Variants in RARA observed in about 807,000 individuals in gnomAD.
RARA encodes the protein PML-DDX5-RARA fusion.
A neutral mutation model predicts 42.8 loss-of-function variants in RARA; 5 were observed. The ratio of observed to expected loss-of-function variants is 0.12; its 90% confidence interval spans 0.06 to 0.25. The LOEUF is 0.25. Among genes scored for constraint, RARA ranks in the 10% least tolerant of loss-of-function variants. The pLI is 1.00. For synonymous variants in RARA, 256 were observed against 259.5 expected (o/e 0.99, Z 0.13); for missense variants, 402 against 628.7 (o/e 0.64, Z 3.86).
intron 4 of RARA, 148 bp downstream of exon 4, chr17:40,350,073 GTGTGT>G: frequency 1.3e-5 from 17 of 1,266,632 alleles, no homozygotes; most frequent in Non-Finnish European, 1.8e-5. Flanking sequence ...AGGATGGTTT[GTGTGT>G]AGCTGCAAGG....
chr17:40,319,225 C>T (rs2033299042), intron 1 of RARA, among the ~76,000 whole-genome samples: 2 of 152,130 alleles, frequency 1.3e-5, no homozygotes, highest in African/African-American at 4.8e-5. Context: ...CATCTCCTCT[C>T]TGGGCACTGG....
At chr17:40,324,024 GTA>G (rs1046907800) in intron 1 of RARA, among the ~76,000 whole-genome samples, 1 of 152,064 alleles carries the variant, frequency 6.6e-6, no homozygotes, top group Non-Finnish European at 1.5e-5. Context: ...GGCCCTGCCT[GTA>G]TCTCTGTAAG....
At position 40,331,306 on chromosome 17, in the gene RARA, C is replaced by A. The variant is rs1371891710; in HGVS notation, c.88C>A (p.Pro30Thr). ...GCCTCCCTACGCCTTCTTCTTCCCCCCTATGCTGGGTGGACTCTCCCCGCC... is the reference window on the plus strand; with the variant it reads ...GCCTCCCTACGCCTTCTTCTTCCCCACTATGCTGGGTGGACTCTCCCCGCC... ...PVPPYAFFFPPMLGGLSPPGA... is the reference protein window; with the variant it reads ...PVPPYAFFFPTMLGGLSPPGA... Residue 30 changes from proline to threonine, a missense_variant, in exon 2 of 9, where the codon CCT (proline) becomes ACT (threonine). This residue lies in a region of RARA where 91 missense variants were observed against 105.2 expected (regional missense o/e 0.87). Coordinates refer to ENST00000254066, the MANE Select transcript of RARA (RefSeq NM_000964.4). 2 of 1,614,030 alleles carry A rather than the reference C, an allele frequency of 1.2e-6. No individual in the cohort carries two copies. Among genetic ancestry groups the A allele is most frequent in the Middle Eastern group, 1.6e-4 (1 of 6,082 alleles).
At chr17:40,342,877 G>T in intron 2 of RARA, 1 of 1,607,362 alleles carries the variant, frequency 6.2e-7, no homozygotes, top group Admixed American at 1.7e-5. Flanking sequence ...TGTACGTACC[G>T]GCCTCTCAGT....
intron 2 of RARA, among the ~76,000 whole-genome samples, chr17:40,344,928 T>C (rs2034205455): frequency 6.6e-6 from 1 of 152,178 alleles, no homozygotes; most frequent in Non-Finnish European, 1.5e-5. Context: ...AGTCCGCTGG[T>C]GACTGGAGCT....
chr17:40,340,580 CTT>C (rs2034003601), intron 2 of RARA, among the ~76,000 whole-genome samples: 1 of 152,232 alleles, frequency 6.6e-6, no homozygotes, highest in Non-Finnish European at 1.5e-5. Context: ...CCTTTCTACT[CTT>C]TGCCTGATTA....
chr17:40,319,965 T>C (rs2033330105), intron 1 of RARA, among the ~76,000 whole-genome samples: 1 of 152,106 alleles, frequency 6.6e-6, no homozygotes, highest in African/African-American at 2.4e-5. Flanking sequence ...AATGGTATGC[T>C]GGAGGGAGCT....
At chr17:40,332,690 GTTTC>G (rs906196755) in intron 2 of RARA, among the ~76,000 whole-genome samples, 2 of 152,232 alleles carry the variant, frequency 1.3e-5, no homozygotes, top group African/African-American at 2.4e-5. Context: ...CTATGTCTGT[GTTTC>G]TTTGTGTTCC....
chr17:40,342,205 GGCCTGGCGGGGGCGGAACCGC>G (rs1211946580), intron 2 of RARA: 2 of 1,054,986 alleles, frequency 1.9e-6, no homozygotes, highest in Non-Finnish European at 2.3e-6. Flanking sequence ...AGCTGCCCCT[GGCCTGGCGGGGGCGGAACCGC>G]GCGGGATCCC....
chr17:40,343,909 C>T (rs563863345), intron 2 of RARA, among the ~76,000 whole-genome samples: 3 of 152,274 alleles, frequency 2.0e-5, no homozygotes, highest in South Asian at 2.1e-4. Flanking sequence ...CATTTTCCTG[C>T]GCAGCTGTGA....
At chr17:40,346,605 C>G (rs545686819) in intron 2 of RARA, among the ~76,000 whole-genome samples, 9 of 152,144 alleles carry the variant, frequency 5.9e-5, no homozygotes, top group Admixed American at 2.6e-4. Flanking sequence ...TGGCTCACCC[C>G]CTCTGCCTCC....
In RARA at chr17:40,352,009, A is replaced by G. The variant is rs780378953; in HGVS notation, c.569A>G (p.Lys190Arg). 13 of 1,598,892 alleles carry G rather than the reference A, an allele frequency of 8.1e-6. No homozygotes were observed. The East Asian group carries it at 2.7e-4, about 33-fold the overall frequency. Residue 190 changes from lysine (K) to arginine (R), a missense_variant, in exon 5 of 9, where the codon AAG becomes AGG. This residue lies in a region of RARA where 130 missense variants were observed against 267.9 expected (regional missense o/e 0.49). Coordinates refer to ENST00000254066, the MANE Select transcript of RARA (RefSeq NM_000964.4). This position sits in a 1 kb window ranked among gnomAD's most constrained non-coding sequence, Gnocchi z 4.9. ...LTPEVGELIE[K>R]VRKAHQETFP... ...CCGGAGGTGGGGGAGCTCATTGAGA[A>G]GGTGCGCAAAGCGCACCAGGAAACC...
intron 3 of RARA, 127 bp downstream of exon 3, chr17:40,348,591 T>C: frequency 7.7e-7 from 1 of 1,294,900 alleles, no homozygotes. Context: ...TCTGTGGAAG[T>C]TGGCAGCAAG....
chr17:40,313,812 G>T (rs2033140969), intron 1 of RARA, among the ~76,000 whole-genome samples: 1 of 152,008 alleles, frequency 6.6e-6, no homozygotes, highest in South Asian at 2.1e-4. Flanking sequence ...GTCTCTTGGG[G>T]GCTGATTTAT....
In RARA at chr17:40,343,874, C is replaced by T. The variant is rs188455080; in HGVS notation, c.179-4442C>T. Among the ~76,000 whole-genome samples the T allele has an allele frequency of 2.5e-3, 386 of 152,314 alleles. 12 individuals are homozygous for T. Among genetic ancestry groups the T allele is most frequent in the Admixed American group, 0.025 (376 of 15,308 alleles). On this transcript the variant is annotated intron_variant, in intron 2 of 8. Coordinates refer to ENST00000254066, the MANE Select transcript of RARA (RefSeq NM_000964.4). ...AGGGCTCTGTGCACACTCAGGAGCT[C>T]GGAGCACCAGGGTGTACACCTGGGC...
intron 2 of RARA, chr17:40,341,239 G>A: frequency 9.5e-7 from 1 of 1,050,116 alleles, no homozygotes; most frequent in Non-Finnish European, 1.3e-6. Flanking sequence ...GTGCACCAGG[G>A]GCCGGTACTG....
chr17:40,319,685 G>T (rs1279243554), intron 1 of RARA, among the ~76,000 whole-genome samples: 1 of 152,112 alleles, frequency 6.6e-6, no homozygotes, highest in African/African-American at 2.4e-5. Flanking sequence ...GGTTCTGTAA[G>T]GACCTTCCAG....
chr17:40,341,299 C>G, intron 2 of RARA: 1 of 1,374,734 alleles, frequency 7.3e-7, no homozygotes, highest in African/African-American at 1.5e-5. Context: ...GCCGGAAGCA[C>G]GCAGAGCGTG....
intron 1 of RARA, among the ~76,000 whole-genome samples, chr17:40,330,444 T>C (rs1465302319): frequency 3.3e-5 from 5 of 152,098 alleles, no homozygotes; most frequent in African/African-American, 1.2e-4. Flanking sequence ...GAAGTGCCAA[T>C]GCTTTAGGGA....
Sources: gnomAD v4.1 joint callset for allele counts (sites outside exome capture counted in the v4.1 genomes callset) on GRCh38, gnomAD v4.1.1 for gene constraint, gnomAD v4.1.1 regional missense constraint, Gnocchi (gnomAD v3.1) non-coding constraint, MANE v1.5 for transcripts, NCBI Gene and HGNC (gene_info 2026-07-23, HGNC 2026-07-21) for gene names.